Variants in CTXN1 observed in about 807,000 individuals in gnomAD.
The protein encoded by CTXN1 is cortexin 1.
Under a neutral mutation model 5.5 loss-of-function variants are expected in CTXN1, and 4 were observed. The observed-to-expected ratio is 0.73, with a 90% CI of 0.36 to 1.68. The LOEUF (loss-of-function observed/expected upper bound fraction) is 1.68. Among genes scored for constraint, CTXN1 ranks in the 40% most tolerant of loss-of-function variants. The pLI is 0.05. For missense variants in CTXN1, 111 were observed against 123.0 expected, an observed-to-expected ratio of 0.90 and a Z score of 0.46; for synonymous variants, 67 against 62.8, an observed-to-expected ratio of 1.07 and a Z score of -0.32.
In CTXN1 at chr19:7,925,490, C is replaced by T; in HGVS notation, c.49G>A (p.Gly17Arg). 8 of 1,528,036 alleles carry T rather than the reference C, an allele frequency of 5.2e-6. No individual in the cohort carries two copies. Among genetic ancestry groups the T allele is most frequent in the Non-Finnish European group, 6.1e-6 (7 of 1,144,604 alleles). 94.7% of individuals were successfully genotyped at this position (1,528,036 alleles called of 1,614,324 possible). Reference sequence around the variant, plus strand: ...TCCAGGCCCGCGCCCACCGGGGGCCCCGTCGACGGCGGCAGGGGCTCCGGC... The same window carrying T: ...TCCAGGCCCGCGCCCACCGGGGGCCTCGTCGACGGCGGCAGGGGCTCCGGC... ...LSPEPLPPSTGPPVGAGLDAE... is the reference protein window; with the variant it reads ...LSPEPLPPSTRPPVGAGLDAE... The change falls in exon 2 of 2, where the codon GGG becomes AGG. Residue 17 changes from glycine (G) to arginine (R), a missense_variant. Gly to Arg is a moderately radical substitution (Grantham distance 125). Coordinates refer to ENST00000318978, the MANE Select transcript of CTXN1 (RefSeq NM_206833.4). The surrounding 1 kb of genome is among the most constrained non-coding windows in gnomAD (Gnocchi z 5.0).
In CTXN1 at chr19:7,925,010, A is replaced by C; in HGVS notation, c.*280T>G. ...TGCGGGGGTCCTCCTCCCGCCCGGG[A>C]TTCAGAGTCGGGGGTGGGGGCCAGC... On this transcript the variant is annotated 3_prime_UTR_variant, in exon 2 of 2. Coordinates refer to ENST00000318978, the MANE Select transcript of CTXN1 (RefSeq NM_206833.4). This position sits in a 1 kb window ranked among gnomAD's most constrained non-coding sequence, Gnocchi z 5.0. 2 of 288,314 alleles carry C rather than the reference A, an allele frequency of 6.9e-6. No individual in the cohort carries two copies. Among genetic ancestry groups the C allele is most frequent in the Non-Finnish European group, 1.3e-5 (2 of 157,168 alleles). 17.9% of individuals were successfully genotyped at this position (288,314 alleles called of 1,614,324 possible).
Position 7,925,272 on chromosome 19 carries a change from T to C in CTXN1, c.*18A>G. Reference sequence around the variant, plus strand: ...TCTGAGACCCCGGCGCAGGGCCGGCTAGGGGGCGCCGCGCCCCTCACACCA... The same window carrying C: ...TCTGAGACCCCGGCGCAGGGCCGGCCAGGGGGCGCCGCGCCCCTCACACCA... On this transcript the variant is annotated 3_prime_UTR_variant, in exon 2 of 2. Transcript: ENST00000318978. The surrounding 1 kb of genome is among the most constrained non-coding windows in gnomAD (Gnocchi z 5.0). The C allele has an allele frequency of 7.7e-7, 1 of 1,306,032 alleles. No individual in the cohort carries two copies. The highest frequency in any genetic ancestry group is 3.6e-5 in the East Asian group (1 of 27,944). 80.9% of individuals were successfully genotyped at this position (1,306,032 alleles called of 1,614,324 possible).
rs1462730448 is a variant in CTXN1 at position 7,925,756 on chromosome 19, C to T, written c.-20-198G>A. ...GATCGCCGCCACCACCACGCGGGGA[C>T]CCAACTCTGGCCGTGCGCGCAGGTG... On this transcript the variant is annotated intron_variant, in intron 1 of 1. Transcript: ENST00000318978. This position sits in a 1 kb window ranked among gnomAD's most constrained non-coding sequence, Gnocchi z 5.0. Among the ~76,000 whole-genome samples the T allele has an allele frequency of 2.6e-5, 4 of 151,494 alleles. No homozygotes were observed. Among genetic ancestry groups the T allele is most frequent in the Non-Finnish European group, 5.9e-5 (4 of 67,814 alleles).
Position 7,925,652 on chromosome 19 carries a change from C to T in CTXN1, c.-20-94G>A. ...CTTCGCCCCCTCCTGCCGCCGCCGC[C>T]GCCGCCTCCCTTAACGTGCCCGACC... On this transcript the variant is annotated intron_variant, in intron 1 of 1. Transcript: ENST00000318978. The surrounding 1 kb of genome is among the most constrained non-coding windows in gnomAD (Gnocchi z 5.0). 3 of 1,096,628 alleles carry T rather than the reference C, an allele frequency of 2.7e-6. No homozygotes were observed. The highest frequency in any genetic ancestry group is 6.9e-5 in the East Asian group (2 of 29,116). The allele number at this position is 1,096,628 out of a possible 1,614,324, so 67.9% of individuals were successfully genotyped here.
chr19:7,925,469 G>C lies in CTXN1; in HGVS notation c.70C>G (p.Leu24Val). 1 of 1,563,752 alleles carries C rather than the reference G, an allele frequency of 6.4e-7. No homozygotes were observed. Among genetic ancestry groups the C allele is most frequent in the East Asian group, 2.5e-5 (1 of 40,506 alleles). Residue 24 changes from leucine (L) to valine (V), a missense_variant, in exon 2 of 2, where the codon CTG becomes GTG. Transcript: ENST00000318978. The surrounding 1 kb of genome is among the most constrained non-coding windows in gnomAD (Gnocchi z 5.0). The stretch of plus-strand genomic sequence containing the variant: ...AACACCGTGCGCTGCTCCGCGTCCA[G>C]GCCCGCGCCCACCGGGGGCCCCGTC... Reference protein sequence around the residue: ...PSTGPPVGAGLDAEQRTVFAF... With the variant: ...PSTGPPVGAGVDAEQRTVFAF...
At position 7,925,324 on chromosome 19, in the gene CTXN1, A is replaced by G. The variant is rs770909273; in HGVS notation, c.215T>C (p.Leu72Pro). The G allele has an allele frequency of 2.6e-6, 4 of 1,516,772 alleles. No homozygotes were observed. Among genetic ancestry groups the G allele is most frequent in the Non-Finnish European group, 3.5e-6 (4 of 1,134,500 alleles). 94.0% of individuals were successfully genotyped at this position (1,516,772 alleles called of 1,614,324 possible). ...CGCGTAGTCGAACTGCCCGCGCTCGAGCGCCTCCTTGTGGTCGGTCCAGGA... is the reference window on the plus strand; with the variant it reads ...CGCGTAGTCGAACTGCCCGCGCTCGGGCGCCTCCTTGTGGTCGGTCCAGGA... ...ASSWTDHKEA[L>P]ERGQFDYALV The change falls in exon 2 of 2, where the codon CTC becomes CCC. Residue 72 changes from leucine (L) to proline (P), a missense_variant. Leu to Pro is a moderately conservative substitution (Grantham distance 98, BLOSUM62 -3). Transcript: ENST00000318978. This position sits in a 1 kb window ranked among gnomAD's most constrained non-coding sequence, Gnocchi z 5.0.
Position 7,925,072 on chromosome 19 carries a change from C to A in CTXN1, c.*218G>T, listed in dbSNP as rs1983736393. On this transcript the variant is annotated 3_prime_UTR_variant, in exon 2 of 2. Transcript: ENST00000318978. The surrounding 1 kb of genome is among the most constrained non-coding windows in gnomAD (Gnocchi z 5.0). ...GATGCGCAGAGAGGAAGGGACAGGG[C>A]GGATAAAGGCACGAGGTGGGGCTCC... 2 of 373,228 alleles carry A rather than the reference C, an allele frequency of 5.4e-6. No homozygotes were observed. Among genetic ancestry groups the A allele is most frequent in the Non-Finnish European group, 9.5e-6 (2 of 211,302 alleles). The allele number at this position is 373,228 out of a possible 1,614,324, so 23.1% of individuals were successfully genotyped here. A position where few individuals can be genotyped will look rare whatever the true frequency, so the allele number is the denominator to read the frequency against.
At position 7,925,856 on chromosome 19, in the gene CTXN1, G is replaced by A. The variant is rs1014134458; in HGVS notation, c.-21+111C>T. The A allele has an allele frequency of 1.6e-4, 30 of 191,028 alleles. No homozygotes were observed. The highest frequency in any genetic ancestry group is 4.2e-4 in the African/African-American group (18 of 42,568). 11.8% of individuals were successfully genotyped at this position (191,028 alleles called of 1,614,324 possible). A position where few individuals can be genotyped will look rare whatever the true frequency, so the allele number is the denominator to read the frequency against. ...CAACAGGTGCGAAAGCGCGGCCGCG[G>A]CCCGGGCGCGCGGCGTGGGGACGGT... On this transcript the variant is annotated intron_variant, in intron 1 of 1. Transcript: ENST00000318978. The surrounding 1 kb of genome is among the most constrained non-coding windows in gnomAD (Gnocchi z 5.0).
At position 7,925,314 on chromosome 19, in the gene CTXN1, C is replaced by T. The variant is rs769584812; in HGVS notation, c.225G>A (p.Gly75=). The part of the protein sequence containing the change: ...WTDHKEALER[G]QFDYALV The stretch of plus-strand genomic sequence containing the variant: ...CTCACACCAACGCGTAGTCGAACTG[C>T]CCGCGCTCGAGCGCCTCCTTGTGGT... Residue 75 remains glycine (G), a synonymous_variant, in exon 2 of 2, where the codon GGG becomes GGA. Transcript: ENST00000318978. The surrounding 1 kb of genome is among the most constrained non-coding windows in gnomAD (Gnocchi z 5.0). The T allele has an allele frequency of 6.7e-7, 1 of 1,503,454 alleles. No homozygotes were observed. Among genetic ancestry groups the T allele is most frequent in the Non-Finnish European group, 8.9e-7 (1 of 1,127,638 alleles). 93.1% of individuals were successfully genotyped at this position (1,503,454 alleles called of 1,614,324 possible).
chr19:7,925,476 GC>G lies in CTXN1; in HGVS notation c.62del (p.Gly21AlafsTer25). 2 of 1,557,576 alleles carry G rather than the reference GC, an allele frequency of 1.3e-6. No individual in the cohort carries two copies. Among genetic ancestry groups the G allele is most frequent in the Non-Finnish European group, 8.6e-7 (1 of 1,159,546 alleles). Reference protein sequence around the residue: ...PLPPSTGPPVGAGLDAEQRTV... With the variant: ...PLPPSTGPPVXAGLDAEQRTV... Reference sequence around the variant, plus strand: ...TGCGCTGCTCCGCGTCCAGGCCCGCGCCCACCGGGGGCCCCGTCGACGGCGG... The same window carrying G: ...TGCGCTGCTCCGCGTCCAGGCCCGCGCCACCGGGGGCCCCGTCGACGGCGG... On this transcript the variant is annotated frameshift_variant, in exon 2 of 2. Transcript: ENST00000318978. LOFTEE classifies it high-confidence loss of function. The surrounding 1 kb of genome is among the most constrained non-coding windows in gnomAD (Gnocchi z 5.0).
chr19:7,925,217 G>A lies in CTXN1; in HGVS notation c.*73C>T, dbSNP rs2145167008. On this transcript the variant is annotated 3_prime_UTR_variant, in exon 2 of 2. Coordinates refer to ENST00000318978, the MANE Select transcript of CTXN1 (RefSeq NM_206833.4). The surrounding 1 kb of genome is among the most constrained non-coding windows in gnomAD (Gnocchi z 5.0). ...GGGCGGGATCCTGAGCGCAGTCCTG[G>A]CCCCGCGGCGCCCCCCGCCGGGCCG... 4.3e-6 allele frequency: 5 copies of A among 1,169,862 alleles called. No individual in the cohort carries two copies. The highest frequency in any genetic ancestry group is 4.3e-6 in the Non-Finnish European group (4 of 925,170). The allele number at this position is 1,169,862 out of a possible 1,614,324, so 72.5% of individuals were successfully genotyped here.
rs1983773419 is a variant in CTXN1, at chr19:7,925,951, C to T, written c.-21+16G>A. ...GACCCCCTCCCCCACCGCCCCCGCC[C>T]CGGCGCGCCCCTCACCCTGGCTTCG... On this transcript the variant is annotated intron_variant, in intron 1 of 1. Transcript: ENST00000318978. The surrounding 1 kb of genome is among the most constrained non-coding windows in gnomAD (Gnocchi z 5.0). 1 of 151,444 alleles carries T rather than the reference C, an allele frequency of 6.6e-6. No individual in the cohort carries two copies. The highest frequency in any genetic ancestry group is 6.6e-5 in the Admixed American group (1 of 15,118). The allele number at this position is 151,444 out of a possible 1,614,324, so 9.4% of individuals were successfully genotyped here. A position where few individuals can be genotyped will look rare whatever the true frequency, so the allele number is the denominator to read the frequency against.
Position 7,925,551 on chromosome 19 carries a change from C to A in CTXN1, c.-13G>T. 1 of 1,382,158 alleles carries A rather than the reference C, an allele frequency of 7.2e-7. No homozygotes were observed. Among genetic ancestry groups the A allele is most frequent in the South Asian group, 1.6e-5 (1 of 61,022 alleles). The allele number at this position is 1,382,158 out of a possible 1,614,324, so 85.6% of individuals were successfully genotyped here. ...ACGTCGCGCTCATGGCTCACATCGC[C>A]GCGCGCCCTGCGGAGGAGGGGACCC... On this transcript the variant is annotated 5_prime_UTR_variant, in exon 2 of 2. Coordinates refer to ENST00000318978, the MANE Select transcript of CTXN1 (RefSeq NM_206833.4). This position sits in a 1 kb window ranked among gnomAD's most constrained non-coding sequence, Gnocchi z 5.0.
In CTXN1 at chr19:7,925,335, G is replaced by A; in HGVS notation, c.204C>T (p.His68=). The A allele has an allele frequency of 6.5e-7, 1 of 1,536,344 alleles. No individual in the cohort carries two copies. Among genetic ancestry groups the A allele is most frequent in the Non-Finnish European group, 8.7e-7 (1 of 1,145,474 alleles). The change falls in exon 2 of 2, where the codon CAC becomes CAT. Residue 68 remains histidine, a synonymous_variant. Transcript: ENST00000318978. This position sits in a 1 kb window ranked among gnomAD's most constrained non-coding sequence, Gnocchi z 5.0. The part of the protein sequence containing the change: ...SRMPASSWTD[H]KEALERGQFD... ...ACTGCCCGCGCTCGAGCGCCTCCTT[G>A]TGGTCGGTCCAGGACGAGGCGGGCA...
chr19:7,925,136 G>A lies in CTXN1; in HGVS notation c.*154C>T. ...AGGGACATGGGAGGGGTCTCGAGGG[G>A]GAGGGGCTGGGCTTCTCCCAACTCC... On this transcript the variant is annotated 3_prime_UTR_variant, in exon 2 of 2. Coordinates refer to ENST00000318978, the MANE Select transcript of CTXN1 (RefSeq NM_206833.4). This position sits in a 1 kb window ranked among gnomAD's most constrained non-coding sequence, Gnocchi z 5.0. The A allele has an allele frequency of 4.2e-6, 2 of 479,080 alleles. No individual in the cohort carries two copies. The highest frequency in any genetic ancestry group is 6.6e-6 in the Non-Finnish European group (2 of 302,136). 29.7% of individuals were successfully genotyped at this position (479,080 alleles called of 1,614,324 possible). A position where few individuals can be genotyped will look rare whatever the true frequency, so the allele number is the denominator to read the frequency against.
In CTXN1 at chr19:7,925,284, C is replaced by T. The variant is rs780925269; in HGVS notation, c.*6G>A. On this transcript the variant is annotated 3_prime_UTR_variant, in exon 2 of 2. Coordinates refer to ENST00000318978, the MANE Select transcript of CTXN1 (RefSeq NM_206833.4). This position sits in a 1 kb window ranked among gnomAD's most constrained non-coding sequence, Gnocchi z 5.0. ...GCGCAGGGCCGGCTAGGGGGCGCCG[C>T]GCCCCTCACACCAACGCGTAGTCGA... 1.2e-5 allele frequency: 17 copies of T among 1,385,192 alleles called. No individual in the cohort carries two copies. The South Asian group carries it at 2.7e-4, about 22-fold the overall frequency. 85.8% of individuals were successfully genotyped at this position (1,385,192 alleles called of 1,614,324 possible). A position where few individuals can be genotyped will look rare whatever the true frequency, so the allele number is the denominator to read the frequency against.
chr19:7,925,504 A>G lies in CTXN1; in HGVS notation c.35T>C (p.Leu12Pro). The G allele has an allele frequency of 6.0e-6, 9 of 1,506,240 alleles. No homozygotes were observed. Among genetic ancestry groups the G allele is most frequent in the Non-Finnish European group, 7.1e-6 (8 of 1,133,484 alleles). The allele number at this position is 1,506,240 out of a possible 1,614,324, so 93.3% of individuals were successfully genotyped here. A position where few individuals can be genotyped will look rare whatever the true frequency, so the allele number is the denominator to read the frequency against. The change falls in exon 2 of 2, where the codon CTG becomes CCG. Residue 12 changes from leucine (L) to proline (P), a missense_variant. Physicochemically the swap from Leu to Pro is moderately conservative, Grantham distance 98. Transcript: ENST00000318978. This position sits in a 1 kb window ranked among gnomAD's most constrained non-coding sequence, Gnocchi z 5.0. ...SATWTLSPEP[L>P]PPSTGPPVGA... is the part of the protein sequence containing the mutation. ...CACCGGGGGCCCCGTCGACGGCGGC[A>G]GGGGCTCCGGCGACAGCGTCCACGT...
At position 7,925,231 on chromosome 19, in the gene CTXN1, C is replaced by G. The variant is rs906714925; in HGVS notation, c.*59G>C. The G allele has an allele frequency of 8.1e-7, 1 of 1,238,460 alleles. No homozygotes were observed. The highest frequency in any genetic ancestry group is 1.6e-5 in the African/African-American group (1 of 63,526). The allele number at this position is 1,238,460 out of a possible 1,614,324, so 76.7% of individuals were successfully genotyped here. ...GCGCAGTCCTGGCCCCGCGGCGCCC[C>G]CCGCCGGGCCGGCCCTCTGAGACCC... On this transcript the variant is annotated 3_prime_UTR_variant, in exon 2 of 2. Transcript: ENST00000318978. The surrounding 1 kb of genome is among the most constrained non-coding windows in gnomAD (Gnocchi z 5.0).
chr19:7,925,554 G>A lies in CTXN1; in HGVS notation c.-16C>T, dbSNP rs1255663442. 7.3e-7 allele frequency: 1 copy of A among 1,375,112 alleles called. No homozygotes were observed. 85.2% of individuals were successfully genotyped at this position (1,375,112 alleles called of 1,614,324 possible). Reference sequence around the variant, plus strand: ...TCGCGCTCATGGCTCACATCGCCGCGCGCCCTGCGGAGGAGGGGACCCGCC... The same window carrying A: ...TCGCGCTCATGGCTCACATCGCCGCACGCCCTGCGGAGGAGGGGACCCGCC... On this transcript the variant is annotated 5_prime_UTR_variant, in exon 2 of 2. Coordinates refer to ENST00000318978, the MANE Select transcript of CTXN1 (RefSeq NM_206833.4). The surrounding 1 kb of genome is among the most constrained non-coding windows in gnomAD (Gnocchi z 5.0).
Sources: allele counts gnomAD v4.1 joint callset (sites outside exome capture counted in the v4.1 genomes callset), GRCh38; gene constraint gnomAD v4.1.1; non-coding constraint Gnocchi (gnomAD v3.1); transcripts MANE v1.5; gene names NCBI Gene and HGNC (gene_info 2026-07-23, HGNC 2026-07-21).